PRKDC: variants seen among roughly 807,000 people sequenced by gnomAD.
The protein encoded by PRKDC is protein kinase, DNA-activated, catalytic subunit, also known as DNA-dependent protein kinase catalytic subunit.
Under a neutral mutation model 486.9 loss-of-function variants are expected in PRKDC, and 82 were observed. The observed-to-expected ratio is 0.17, with a 90% CI of 0.14 to 0.20. The LOEUF is 0.20. Ranked by LOEUF, PRKDC falls within the 10% of genes least tolerant of loss-of-function variation. PRKDC has a pLI of 1.00. For synonymous variants in PRKDC, 1,895 were observed against 1,837.0 expected, an observed-to-expected ratio of 1.03 and a Z score of -0.81; for missense variants, 4,504 against 5,038.2, an observed-to-expected ratio of 0.89 and a Z score of 3.21.
chr8:47,858,809 T>C (rs1256467986), intron 47 of PRKDC, 40 bp downstream of exon 47: 5 of 1,586,124 alleles, frequency 3.2e-6, no homozygotes, highest in Non-Finnish European at 4.3e-6. Flanking sequence ...ATGACACCAA[T>C]GAATATAGTA....
intron 7 of PRKDC, among the ~76,000 whole-genome samples, chr8:47,953,104 G>A (rs960248334): frequency 2.0e-5 from 3 of 152,030 alleles, no homozygotes; most frequent in African/African-American, 7.2e-5. Flanking sequence ...TCGAGCCACT[G>A]CACTCCACCC....
rs139375596 is a variant in PRKDC, at chr8:47,876,418, T to C, written c.5363+1306A>G. 1.4e-4 allele frequency among the ~76,000 whole-genome samples: 22 copies of C among 152,202 alleles called. No individual in the cohort carries two copies. In the East Asian group the frequency reaches 4.2e-3, roughly 29 times the overall value. ...GGCTCACATCTGTAATCCCAGCACT[T>C]AGGGAGGCCGAGGCAAGCAGATCAT... On this transcript the variant is annotated intron_variant, in intron 40 of 85. Transcript: ENST00000314191.
In PRKDC at chr8:47,860,976, T is replaced by C. The variant is rs776580122; in HGVS notation, c.5986-5A>G. 6.3e-7 allele frequency: 1 copy of C among 1,577,436 alleles called. No individual in the cohort carries two copies. ...TTTCTTTCTTTCCATAGGAACCTAT[T>C]GGGAAGAACAAATAAACAATGTAAA... On this transcript the variant is annotated splice_region_variant and splice_polypyrimidine_tract_variant and intron_variant, in intron 44 of 85. Coordinates refer to ENST00000314191, the MANE Select transcript of PRKDC (RefSeq NM_006904.7).
chr8:47,933,100 C>T lies in PRKDC; in HGVS notation c.1696G>A (p.Asp566Asn), dbSNP rs776984338. Residue 566 changes from aspartate (D) to asparagine (N), a missense_variant, in exon 16 of 86, where the codon GAT becomes AAT. Physicochemically the swap from Asp to Asn is conservative, Grantham distance 23 (BLOSUM62 1). This residue lies in a region of PRKDC where 1,969 missense variants were observed against 2,068.9 expected (regional missense o/e 0.95). Coordinates refer to ENST00000314191, the MANE Select transcript of PRKDC (RefSeq NM_006904.7). ...SSESLNHLLY[D>N]EFVKSVLKIV... ...TTCAAAACGGATTTTACAAATTCAT[C>T]ATAAAGTAAATGATTCAGACTTTCA... 1.9e-6 allele frequency: 3 copies of T among 1,580,382 alleles called. No homozygotes were observed. The East Asian group carries it at 6.9e-5, about 36-fold the overall frequency.
chr8:47,904,514 A>G (rs1403000367), intron 26 of PRKDC, among the ~76,000 whole-genome samples: 1 of 152,212 alleles, frequency 6.6e-6, no homozygotes, highest in Non-Finnish European at 1.5e-5. Flanking sequence ...TCGGCCTCCC[A>G]AAGTGTTGGA....
At position 47,776,700 on chromosome 8, in the gene PRKDC, A is replaced by G. The variant is rs56041771; in HGVS notation, c.12182+144T>C. 5.0e-4 allele frequency: 582 copies of G among 1,158,106 alleles called. 1 individual carries two copies. In the African/African-American group the frequency reaches 8.0e-3, roughly 16 times the overall value. The allele number at this position is 1,158,106 out of a possible 1,614,324, so 71.7% of individuals were successfully genotyped here. A position where few individuals can be genotyped will look rare whatever the true frequency, so the allele number is the denominator to read the frequency against. ...TGGCTTTGGGGAAGTCAGCCTCTCT[A>G]AGCCCTGCTTTCCTCCTCAATGAAA... On this transcript the variant is annotated intron_variant, in intron 85 of 85. Transcript: ENST00000314191.
chr8:47,870,592 G>A (rs2088929184), intron 40 of PRKDC, among the ~76,000 whole-genome samples: 1 of 152,136 alleles, frequency 6.6e-6, no homozygotes, highest in African/African-American at 2.4e-5. Context: ...CAAATACCTG[G>A]AAAGTCTTCC....
chr8:47,831,976 C>T (rs761462859), intron 59 of PRKDC, 50 bp from the exon 60 acceptor site: 105 of 1,520,280 alleles, frequency 6.9e-5, no homozygotes, highest in Non-Finnish European at 8.8e-5. Flanking sequence ...AGACACTTGG[C>T]TCTGCTGGTT....
intron 58 of PRKDC, among the ~76,000 whole-genome samples, chr8:47,834,702 T>A (rs1244059408): frequency 6.7e-6 from 1 of 149,258 alleles, no homozygotes; most frequent in African/African-American, 2.5e-5. Context: ...TTTTTTTTTT[T>A]TTTTTTGAGA....
chr8:47,779,039 T>G lies in PRKDC; in HGVS notation c.11544A>C (p.Gly3848=). The G allele has an allele frequency of 1.2e-6, 2 of 1,602,422 alleles. No homozygotes were observed. The highest frequency in any genetic ancestry group is 2.3e-5 in the South Asian group (2 of 88,420). ...EYKDWLTKMS[G]KHDVGAYMLM... ...GCATGTAAGCTCCAACATCATGTTTTCCTGACATTTTTGTCAGCCAATCTT... is the reference window on the plus strand; with the variant it reads ...GCATGTAAGCTCCAACATCATGTTTGCCTGACATTTTTGTCAGCCAATCTT... Residue 3848 remains glycine (G), a synonymous_variant, in exon 81 of 86, where the codon GGA becomes GGC. Transcript: ENST00000314191.
At chr8:47,937,031 A>G (rs758140448) in intron 11 of PRKDC, among the ~76,000 whole-genome samples, 2 of 150,046 alleles carry the variant, frequency 1.3e-5, no homozygotes, top group Non-Finnish European at 3.0e-5. Flanking sequence ...AGGCGGGCAG[A>G]TCACTTGAGG....
At chr8:47,776,332 CT>C (rs2086608364) in intron 85 of PRKDC, among the ~76,000 whole-genome samples, 1 of 152,186 alleles carries the variant, frequency 6.6e-6, no homozygotes, top group South Asian at 2.1e-4. Flanking sequence ...TAAAGTCCAA[CT>C]TTTTTCATTC....
chr8:47,903,515 C>T (rs1429321651), intron 26 of PRKDC, among the ~76,000 whole-genome samples: 1 of 152,172 alleles, frequency 6.6e-6, no homozygotes. Flanking sequence ...AAAGGTAACA[C>T]AAGCCATGGT....
chr8:47,821,592 A>G lies in PRKDC; in HGVS notation c.9111+12T>C. On this transcript the variant is annotated intron_variant, in intron 65 of 85. Coordinates refer to ENST00000314191, the MANE Select transcript of PRKDC (RefSeq NM_006904.7). ...AATAATTATTTCAATCACTTAAAAT[A>G]ATTTTACCCACCTGATAAAATGGTT... The G allele has an allele frequency of 6.3e-7, 1 of 1,577,440 alleles. No homozygotes were observed. Among genetic ancestry groups the G allele is most frequent in the Non-Finnish European group, 8.6e-7 (1 of 1,158,518 alleles).
rs1207416639 is a variant in PRKDC at position 47,805,659 on chromosome 8, T to C, written c.9747+1478A>G. 2.0e-5 allele frequency among the ~76,000 whole-genome samples: 3 copies of C among 152,234 alleles called. No homozygotes were observed. The East Asian group carries it at 5.8e-4, about 29-fold the overall frequency. On this transcript the variant is annotated intron_variant, in intron 69 of 85. Transcript: ENST00000314191. ...CTGAATACAATTGACCCATTTTTTA[T>C]TTAGTTGCTTATATGGATGTCTTTT... is the stretch of plus-strand genomic sequence containing the variant.
chr8:47,955,276 A>G (rs1285064389), intron 4 of PRKDC, among the ~76,000 whole-genome samples: 1 of 151,134 alleles, frequency 6.6e-6, no homozygotes. Context: ...TCCCGGCTAA[A>G]ACGGTGAAAC....
intron 36 of PRKDC, among the ~76,000 whole-genome samples, chr8:47,882,534 T>C (rs930356986): frequency 1.3e-5 from 2 of 151,270 alleles, no homozygotes; most frequent in African/African-American, 4.9e-5. Flanking sequence ...TAAGCAAACA[T>C]GCACCCAAGC....
At chr8:47,893,652 T>C (rs2089513247) in intron 30 of PRKDC, among the ~76,000 whole-genome samples, 1 of 152,220 alleles carries the variant, frequency 6.6e-6, no homozygotes, top group South Asian at 2.1e-4. Flanking sequence ...TTAAAAATTA[T>C]TATTCCTTTA....
At chr8:47,853,572 A>G (rs1346995517) in intron 51 of PRKDC, among the ~76,000 whole-genome samples, 1 of 152,154 alleles carries the variant, frequency 6.6e-6, no homozygotes, top group Non-Finnish European at 1.5e-5. Context: ...CAGCTGCCCT[A>G]GCTCCCAGGC....
Sources: allele counts gnomAD v4.1 joint callset (sites outside exome capture counted in the v4.1 genomes callset), GRCh38; gene constraint gnomAD v4.1.1; regional missense constraint gnomAD v4.1.1; transcripts MANE v1.5; gene names NCBI Gene and HGNC (gene_info 2026-07-23, HGNC 2026-07-21).